Variants in METTL15 observed in about 807,000 individuals in gnomAD.
The protein encoded by METTL15 is 12S rRNA N(4)-cytidine methyltransferase METTL15.
A neutral mutation model predicts 38.3 loss-of-function variants in METTL15; 34 were observed. The observed-to-expected ratio is 0.89, with a 90% CI of 0.68 to 1.18. The LOEUF (loss-of-function observed/expected upper bound fraction) is 1.18. Among genes scored for constraint, METTL15 ranks in the 50% most tolerant of loss-of-function variants. The pLI, the probability that METTL15 is intolerant of heterozygous loss-of-function variation, is 0.00. For missense variants in METTL15, 438 were observed against 498.4 expected, an observed-to-expected ratio of 0.88 and a Z score of 1.15; for synonymous variants, 162 against 170.9, an observed-to-expected ratio of 0.95 and a Z score of 0.41.
intron 6 of METTL15, among the ~76,000 whole-genome samples, chr11:28,497,610 A>G (rs1038170725): frequency 2.0e-5 from 3 of 152,214 alleles, no homozygotes; most frequent in Admixed American, 6.5e-5. Flanking sequence ...TCACAATTCT[A>G]GAGGCTGGGA....
chr11:28,399,000 A>G (rs1850603130), intron 5 of METTL15: 1 of 152,016 alleles, frequency 6.6e-6, no homozygotes, highest in African/African-American at 2.4e-5. Flanking sequence ...AGACCATACT[A>G]AGCAAAAAGA....
chr11:28,297,986 G>A (rs1264014775), intron 6 of METTL15, among the ~76,000 whole-genome samples: 1 of 151,862 alleles, frequency 6.6e-6, no homozygotes, highest in Non-Finnish European at 1.5e-5. Flanking sequence ...AATTAAATAA[G>A]ACTATATTCT....
intron 6 of METTL15, among the ~76,000 whole-genome samples, chr11:28,510,276 T>C (rs908968782): frequency 3.3e-5 from 5 of 152,210 alleles, no homozygotes; most frequent in Admixed American, 2.0e-4. Flanking sequence ...AGCACAGTAC[T>C]AGATACCATA....
At chr11:28,472,206 T>C (rs1851309495) in intron 6 of METTL15, among the ~76,000 whole-genome samples, 1 of 152,158 alleles carries the variant, frequency 6.6e-6, no homozygotes, top group Non-Finnish European at 1.5e-5. Context: ...TTGTTATAAG[T>C]CTTTGCTCTC....
chr11:28,317,761 T>A (rs1383018698), intron 6 of METTL15, among the ~76,000 whole-genome samples: 1 of 152,312 alleles, frequency 6.6e-6, no homozygotes, highest in Middle Eastern at 3.4e-3. Context: ...GTGCAGACTG[T>A]TACTAAGCAA....
chr11:28,163,751 A>T, intron 3 of METTL15: 1 of 279,694 alleles, frequency 3.6e-6, no homozygotes. Context: ...TATTGTTGTT[A>T]ATTTTTTAAG....
At chr11:28,442,933 G>A (rs938501503) in intron 6 of METTL15, among the ~76,000 whole-genome samples, 1 of 152,112 alleles carries the variant, frequency 6.6e-6, no homozygotes, top group Non-Finnish European at 1.5e-5. Flanking sequence ...GCAGAAATAT[G>A]AAAAATGAAT....
intron 3 of METTL15, among the ~76,000 whole-genome samples, chr11:28,133,357 G>A (rs919605932): frequency 2.0e-5 from 3 of 152,086 alleles, no homozygotes; most frequent in African/African-American, 7.2e-5. Context: ...ACAATTTCAG[G>A]CTTACTGTGG....
chr11:28,192,964 C>A (rs1851754217), intron 3 of METTL15, among the ~76,000 whole-genome samples: 1 of 151,914 alleles, frequency 6.6e-6, no homozygotes, highest in African/African-American at 2.4e-5. Context: ...TTGCATTATT[C>A]TTTTATTATC....
intron 4 of METTL15, among the ~76,000 whole-genome samples, chr11:28,289,108 C>T (rs1590269690): frequency 6.6e-6 from 1 of 152,222 alleles, no homozygotes; most frequent in South Asian, 2.1e-4. Flanking sequence ...CTAGTATTAG[C>T]ATTTTAATTT....
intron 4 of METTL15, among the ~76,000 whole-genome samples, chr11:28,238,695 G>A (rs747522935): frequency 1.2e-4 from 18 of 152,204 alleles, no homozygotes; most frequent in Non-Finnish European, 2.4e-4. Context: ...CCCGTCTCCT[G>A]CGTCGCTCAC....
intron 3 of METTL15, among the ~76,000 whole-genome samples, chr11:28,171,530 T>C (rs949353421): frequency 1.3e-5 from 2 of 152,168 alleles, no homozygotes; most frequent in African/African-American, 4.8e-5. Context: ...CTGACTTTAT[T>C]TTAATCTCAG....
intron 3 of METTL15, among the ~76,000 whole-genome samples, chr11:28,127,263 C>T (rs973271073): frequency 5.9e-5 from 9 of 151,872 alleles, no homozygotes; most frequent in African/African-American, 2.2e-4. Context: ...GAAGAATGGG[C>T]AGATTTGAGG....
intron 5 of METTL15, among the ~76,000 whole-genome samples, chr11:28,292,215 C>G (rs866967505): frequency 1.7e-5 from 2 of 118,122 alleles, no homozygotes; most frequent in East Asian, 3.1e-4. Flanking sequence ...CCCCTCCCCC[C>G]ACCCCACAAC....
intron 5 of METTL15, among the ~76,000 whole-genome samples, chr11:28,423,187 A>G (rs1162377039): frequency 6.6e-6 from 1 of 152,048 alleles, no homozygotes; most frequent in Non-Finnish European, 1.5e-5. Context: ...TCCAAAACAC[A>G]GTCACTAACA....
rs747509714 is a variant in METTL15, at chr11:28,236,287, G to T, written c.407+25089G>T. On this transcript the variant is annotated intron_variant, in intron 4 of 6. Transcript: ENST00000407364. ...AATTCTCTTTTTTGGTTGTGTCTCTGCCTGGCTTTGGTGTCAGGATGATGC... is the reference window on the plus strand; with the variant it reads ...AATTCTCTTTTTTGGTTGTGTCTCTTCCTGGCTTTGGTGTCAGGATGATGC... 3.9e-5 allele frequency among the ~76,000 whole-genome samples: 6 copies of T among 152,226 alleles called. No individual in the cohort carries two copies. In the South Asian group the frequency reaches 6.2e-4, roughly 16 times the overall value.
chr11:28,362,635 T>G (rs1850149833), intron 5 of METTL15, among the ~76,000 whole-genome samples: 1 of 152,224 alleles, frequency 6.6e-6, no homozygotes, highest in African/African-American at 2.4e-5. Flanking sequence ...ATGAATGGTC[T>G]TCAGCTTTAT....
intron 6 of METTL15, among the ~76,000 whole-genome samples, chr11:28,459,009 T>C (rs931620535): frequency 6.6e-6 from 1 of 152,182 alleles, no homozygotes; most frequent in Non-Finnish European, 1.5e-5. Context: ...ATTGAAATGC[T>C]CCTATCTTCA....
chr11:28,426,608 A>ATTTTTTTTTTTTTTTTTTTT (rs1850867752), intron 6 of METTL15, among the ~76,000 whole-genome samples: 1 of 54,116 alleles, frequency 1.8e-5, no homozygotes, highest in African/African-American at 6.5e-5. Flanking sequence ...TTTTTTTTTG[A>ATTTTTTTTTTTTTTTTTTTT]CTTTTTAGTA....
Sources: allele counts gnomAD v4.1 joint callset (sites outside exome capture counted in the v4.1 genomes callset), GRCh38; gene constraint gnomAD v4.1.1; transcripts MANE v1.5; gene names NCBI Gene and HGNC (gene_info 2026-07-23, HGNC 2026-07-21).